Variants in LRRC4C observed in about 807,000 individuals in gnomAD.
LRRC4C encodes leucine-rich repeat-containing protein 4C.
LRRC4C carries 5 observed loss-of-function variants against 33.6 expected under a neutral mutation model. That is an observed-to-expected ratio of 0.15 (90% CI 0.08 to 0.31). The LOEUF is 0.31. LRRC4C is among the 10% of genes least tolerant of loss of function. LRRC4C has a pLI of 1.00. For synonymous variants in LRRC4C, 329 were observed against 302.0 expected (o/e 1.09, Z -0.93); for missense variants, 560 against 796.7 (o/e 0.70, Z 3.58).
chr11:40,176,525 CT>C (rs60000344), intron 5 of LRRC4C, among the ~76,000 whole-genome samples: 7 of 148,774 alleles, frequency 4.7e-5, no homozygotes, highest in Admixed American at 1.3e-4. Context: ...TTTATGGATT[CT>C]TTTTTTTCCA....
chr11:41,050,558 C>T (rs932296110), intron 1 of LRRC4C, among the ~76,000 whole-genome samples: 2 of 152,052 alleles, frequency 1.3e-5, no homozygotes, highest in Non-Finnish European at 2.9e-5. Context: ...TTTTCTGTTC[C>T]TGTGTTAGTT....
At chr11:40,891,271 A>G (rs1025930705) in intron 2 of LRRC4C, among the ~76,000 whole-genome samples, 18 of 152,024 alleles carry the variant, frequency 1.2e-4, no homozygotes, top group Admixed American at 1.3e-4. Context: ...ATCAAACAAC[A>G]ACAACAACAA....
At chr11:40,185,950 T>C (rs188117609) in intron 5 of LRRC4C, among the ~76,000 whole-genome samples, 2 of 152,250 alleles carry the variant, frequency 1.3e-5, no homozygotes, top group East Asian at 3.9e-4. Context: ...GCCTTCTCCA[T>C]CCTCCCAATG....
chr11:40,703,535 T>G (rs1378800613), intron 2 of LRRC4C, among the ~76,000 whole-genome samples: 1 of 152,078 alleles, frequency 6.6e-6, no homozygotes, highest in Admixed American at 6.6e-5. Flanking sequence ...AACTCCAGCC[T>G]AGGTGACAGA....
In LRRC4C at chr11:40,735,431, G is replaced by A. The variant is rs553100583; in HGVS notation, c.-406-87153C>T. Among the ~76,000 whole-genome samples the A allele has an allele frequency of 1.2e-3, 170 of 145,552 alleles. 1 individual carries two copies. The highest frequency in any genetic ancestry group is 3.6e-3 in the African/African-American group (143 of 39,820). The stretch of plus-strand genomic sequence containing the variant: ...GTGGTGTTTGGTTTTTTGTCCTTCC[G>A]ATAGTTTGCTGAGAATGATGGTTTC... On this transcript the variant is annotated intron_variant, in intron 2 of 6. Coordinates refer to ENST00000528697, the MANE Select transcript of LRRC4C (RefSeq NM_001258419.2).
chr11:40,132,158 A>T (rs932796018), intron 6 of LRRC4C, among the ~76,000 whole-genome samples: 1 of 152,232 alleles, frequency 6.6e-6, no homozygotes, highest in African/African-American at 2.4e-5. Flanking sequence ...AAGGTCTGTT[A>T]GAGTTCTAGC....
At chr11:40,932,853 C>T (rs772040546) in intron 2 of LRRC4C, among the ~76,000 whole-genome samples, 6 of 152,110 alleles carry the variant, frequency 3.9e-5, no homozygotes, top group Non-Finnish European at 8.8e-5. Flanking sequence ...CTATTCAGGA[C>T]TAGATGCGGT....
chr11:40,489,602 G>C (rs937241218), intron 3 of LRRC4C, among the ~76,000 whole-genome samples: 2 of 151,978 alleles, frequency 1.3e-5, no homozygotes, highest in African/African-American at 2.4e-5. Context: ...ATATTCAGTA[G>C]CCTCAAAAAT....
At chr11:40,533,101 A>G (rs1396824247) in intron 3 of LRRC4C, among the ~76,000 whole-genome samples, 2 of 152,176 alleles carry the variant, frequency 1.3e-5, no homozygotes, top group African/African-American at 2.4e-5. Flanking sequence ...TTACAATTCA[A>G]GATGAGATTT....
intron 5 of LRRC4C, among the ~76,000 whole-genome samples, chr11:40,142,759 C>T (rs1030014324): frequency 2.0e-5 from 3 of 151,898 alleles, no homozygotes; most frequent in Non-Finnish European, 2.9e-5. Context: ...TCTAGGTGGT[C>T]GTATAATGCT....
chr11:40,513,279 G>GA lies in LRRC4C; in HGVS notation c.-270+134862dup, dbSNP rs1311666621. Among the ~76,000 whole-genome samples, 15 of 142,532 alleles carry GA rather than the reference G, an allele frequency of 1.1e-4. No homozygotes were observed. In the East Asian group the frequency reaches 3.1e-3, roughly 30 times the overall value. The allele number at this position is 142,532 out of a possible 152,430, so 93.5% of individuals were successfully genotyped here. On this transcript the variant is annotated intron_variant, in intron 3 of 6. Transcript: ENST00000528697. ...AAAAAAAAAAAAAAAAGAAAAGAAA[G>GA]AAAAAAATCCACTCTAACAATTCTT...
At chr11:40,602,211 G>GAA (rs58437674) in intron 3 of LRRC4C, among the ~76,000 whole-genome samples, 5,924 of 138,378 alleles carry the variant, frequency 0.043, 340 homozygotes, top group African/African-American at 0.13. Flanking sequence ...AAAAAAAAAA[G>GAA]AAAAAAAAAG....
intron 3 of LRRC4C, among the ~76,000 whole-genome samples, chr11:40,499,307 C>T (rs1349191047): frequency 6.6e-6 from 1 of 152,122 alleles, no homozygotes; most frequent in African/African-American, 2.4e-5. Context: ...ACCAGGTAAA[C>T]AAAAATATCA....
At chr11:40,402,216 C>T (rs749521763) in intron 3 of LRRC4C, among the ~76,000 whole-genome samples, 1 of 152,098 alleles carries the variant, frequency 6.6e-6, no homozygotes, top group Non-Finnish European at 1.5e-5. Flanking sequence ...TGTATTTTCA[C>T]TATATGTTTG....
chr11:40,517,615 A>C (rs1007945306), intron 3 of LRRC4C, among the ~76,000 whole-genome samples: 3 of 152,138 alleles, frequency 2.0e-5, no homozygotes, highest in Non-Finnish European at 4.4e-5. Flanking sequence ...TTCTGTCTTT[A>C]AGAGAAGCCT....
At chr11:41,204,413 A>G (rs1946516707) in intron 1 of LRRC4C, among the ~76,000 whole-genome samples, 1 of 152,168 alleles carries the variant, frequency 6.6e-6, no homozygotes, top group Non-Finnish European at 1.5e-5. Flanking sequence ...TTCTGCTAAA[A>G]TCCTTACACA....
chr11:40,162,102 C>T (rs1859203826), intron 5 of LRRC4C, among the ~76,000 whole-genome samples: 1 of 151,618 alleles, frequency 6.6e-6, no homozygotes, highest in Non-Finnish European at 1.5e-5. Context: ...ATAGTTCCAA[C>T]GATTCAACTT....
At chr11:40,325,991 A>G (rs1484047982) in intron 3 of LRRC4C, among the ~76,000 whole-genome samples, 2 of 151,672 alleles carry the variant, frequency 1.3e-5, no homozygotes, top group Admixed American at 6.6e-5. Context: ...CTGTCTAGCC[A>G]TGGGTGAGAA....
intron 3 of LRRC4C, among the ~76,000 whole-genome samples, chr11:40,368,549 G>A (rs1361596084): frequency 6.6e-6 from 1 of 152,130 alleles, no homozygotes; most frequent in East Asian, 1.9e-4. Flanking sequence ...ATTCCTAAGG[G>A]CTTCCAGTTC....
Sources: allele counts gnomAD v4.1 joint callset (sites outside exome capture counted in the v4.1 genomes callset), GRCh38; gene constraint gnomAD v4.1.1; transcripts MANE v1.5; gene names NCBI Gene and HGNC (gene_info 2026-07-23, HGNC 2026-07-21).